Variants in TNS1 observed in about 807,000 individuals in gnomAD.
The protein encoded by TNS1 is tensin 1, also known as tensin-1.
Under a neutral mutation model 168.6 loss-of-function variants are expected in TNS1, and 62 were observed. The observed-to-expected ratio is 0.37, with a 90% CI of 0.30 to 0.45. The LOEUF (loss-of-function observed/expected upper bound fraction) is 0.45, where lower values mean the gene tolerates loss of function less well. Among genes scored for constraint, TNS1 ranks in the 20% least tolerant of loss-of-function variants. The pLI is 1.00. For synonymous variants in TNS1, 934 were observed against 933.2 expected, an observed-to-expected ratio of 1.00 and a Z score of -0.02; for missense variants, 2,240 against 2,339.4, an observed-to-expected ratio of 0.96 and a Z score of 0.88.
chr2:217,835,145 C>T lies in TNS1; in HGVS notation c.3226G>A (p.Glu1076Lys). 6.3e-7 allele frequency: 1 copy of T among 1,597,592 alleles called. No homozygotes were observed. Among genetic ancestry groups the T allele is most frequent in the Non-Finnish European group, 8.5e-7 (1 of 1,173,904 alleles). The change falls in exon 21 of 33, where the codon GAG becomes AAG. Residue 1076 changes from glutamate (E) to lysine (K), a missense_variant. This residue lies in a region of TNS1 where 2,131 missense variants were observed against 2,171.2 expected (regional missense o/e 0.98). Coordinates refer to ENST00000682258, the MANE Select transcript of TNS1 (RefSeq NM_001387777.1). ...PKEPHLHSYKEAFEEMEGTSP... is the reference protein window; with the variant it reads ...PKEPHLHSYKKAFEEMEGTSP... Reference sequence around the variant, plus strand: ...GTTCCCTCCATCTCCTCGAAGGCCTCCTTGTAGCTGTGCAAATGGGGCTGT... The same window carrying T: ...GTTCCCTCCATCTCCTCGAAGGCCTTCTTGTAGCTGTGCAAATGGGGCTGT...
intron 6 of TNS1, among the ~76,000 whole-genome samples, chr2:217,902,749 A>C (rs1252665016): frequency 6.6e-6 from 1 of 152,114 alleles, no homozygotes; most frequent in Non-Finnish European, 1.5e-5. Context: ...AGGCATGGGG[A>C]GGAAGCCACC....
chr2:217,809,218 T>TA (rs1939926074), intron 30 of TNS1, among the ~76,000 whole-genome samples: 1 of 76,430 alleles, frequency 1.3e-5, no homozygotes, highest in African/African-American at 6.8e-5. Flanking sequence ...GATGGATGCA[T>TA]GGATGGATGG....
chr2:217,954,834 G>T (rs1475818514), intron 3 of TNS1, among the ~76,000 whole-genome samples: 1 of 152,172 alleles, frequency 6.6e-6, no homozygotes, highest in African/African-American at 2.4e-5. Flanking sequence ...TGCACACATG[G>T]TGCCCACACA....
At chr2:218,012,812 A>G (rs771467819), upstream of TNS1, among the ~76,000 whole-genome samples, 54 of 152,312 alleles carry the variant, frequency 3.5e-4, no homozygotes, top group Non-Finnish European at 6.5e-4. Context: ...ACCTCCTGAA[A>G]GATTCTAGCC....
chr2:217,927,633 A>G (rs1413632403), intron 3 of TNS1, among the ~76,000 whole-genome samples: 1 of 152,172 alleles, frequency 6.6e-6, no homozygotes, highest in Non-Finnish European at 1.5e-5. Flanking sequence ...CCCAGAGACA[A>G]GAGGCCATCA....
intron 4 of TNS1, among the ~76,000 whole-genome samples, chr2:217,910,056 C>G (rs1368813874): frequency 6.6e-6 from 1 of 152,284 alleles, no homozygotes; most frequent in Admixed American, 6.5e-5. Context: ...AGGCCCTCTC[C>G]AGCCCACCCT....
At position 217,813,857 on chromosome 2, in the gene TNS1, C is replaced by T. The variant is rs2125123344; in HGVS notation, c.4730-41G>A. The stretch of plus-strand genomic sequence containing the variant: ...ACAAGGAGAGAGGAGGAAGCAAGAC[C>T]TCGGTGGCGCTAGTTTTACTTAAGT... On this transcript the variant is annotated intron_variant, in intron 25 of 32. Transcript: ENST00000682258. This position sits in a 1 kb window ranked among gnomAD's most constrained non-coding sequence, Gnocchi z 4.0. 1 of 1,539,806 alleles carries T rather than the reference C, an allele frequency of 6.5e-7. No homozygotes were observed. The highest frequency in any genetic ancestry group is 1.4e-5 in the African/African-American group (1 of 72,030).
chr2:217,882,267 A>G, intron 17 of TNS1, 79 bp downstream of exon 17: 1 of 1,008,412 alleles, frequency 9.9e-7, no homozygotes, highest in Non-Finnish European at 1.5e-6. Flanking sequence ...TGTGGAACAG[A>G]CCAGGGGTGG....
chr2:217,910,138 A>G (rs1249673824), intron 4 of TNS1, among the ~76,000 whole-genome samples: 1 of 152,060 alleles, frequency 6.6e-6, no homozygotes, highest in Admixed American at 6.5e-5. Context: ...TGAAGTCAAT[A>G]TTAGAAACCA....
chr2:217,983,148 GA>G (rs1326607914), intron 2 of TNS1, among the ~76,000 whole-genome samples: 1 of 152,116 alleles, frequency 6.6e-6, no homozygotes, highest in Non-Finnish European at 1.5e-5. Context: ...GAGTGACAGG[GA>G]TGCTCACTCC....
chr2:217,841,406 G>A (rs746789998), intron 19 of TNS1: 10 of 273,236 alleles, frequency 3.7e-5, no homozygotes, highest in African/African-American at 2.3e-4. Context: ...GGGAAACACA[G>A]AGAGTGCAGG....
intron 3 of TNS1, among the ~76,000 whole-genome samples, chr2:217,934,329 G>C (rs1284244262): frequency 1.3e-5 from 2 of 152,166 alleles, no homozygotes; most frequent in Non-Finnish European, 2.9e-5. Context: ...CTGCTGGCCG[G>C]GACCCCCAGC....
intron 3 of TNS1, among the ~76,000 whole-genome samples, chr2:217,970,357 C>T (rs895094533): frequency 3.0e-4 from 45 of 152,196 alleles, no homozygotes; most frequent in African/African-American, 8.2e-4. Flanking sequence ...AAACATTAAA[C>T]ATAGAGTTAC....
chr2:217,996,945 C>A (rs1958481034), intron 1 of TNS1, among the ~76,000 whole-genome samples: 1 of 152,054 alleles, frequency 6.6e-6, no homozygotes, highest in South Asian at 2.1e-4. Context: ...TCCCAATCCC[C>A]AAGATCCACT....
rs571892545 is a variant in TNS1 at position 217,820,612 on chromosome 2, C to T, written c.3572+1128G>A. On this transcript the variant is annotated intron_variant, in intron 23 of 32. Coordinates refer to ENST00000682258, the MANE Select transcript of TNS1 (RefSeq NM_001387777.1). ...AGGCTAGGGAGGGCAGTGGGCACGG[C>T]GAAGAAGGGATGGTCAGGGCAGAGT... Among the ~76,000 whole-genome samples, 8 of 152,216 alleles carry T rather than the reference C, an allele frequency of 5.3e-5. No individual in the cohort carries two copies. In the South Asian group the frequency reaches 8.3e-4, roughly 16 times the overall value.
chr2:217,950,754 C>T (rs1177792250), intron 3 of TNS1, among the ~76,000 whole-genome samples: 1 of 151,284 alleles, frequency 6.6e-6, no homozygotes, highest in Admixed American at 6.6e-5. Flanking sequence ...TCTTCTGTTC[C>T]CCTCCCTCCT....
At chr2:217,999,057 C>T (rs1333834384) in intron 1 of TNS1, among the ~76,000 whole-genome samples, 1 of 152,184 alleles carries the variant, frequency 6.6e-6, no homozygotes, top group African/African-American at 2.4e-5. Flanking sequence ...TCTTCCATCA[C>T]ACGACCTCCC....
rs1951221474 is a variant in TNS1 at position 217,886,568 on chromosome 2, G to A, written c.945C>T (p.Ile315=). The change falls in exon 13 of 33, where the codon ATC becomes ATT. Residue 315 remains isoleucine (I), a synonymous_variant. Transcript: ENST00000682258. ...ACTCAAAGTTGGGGATGCCGTGCAT[G>A]ATCACGTGGTGCAGAAACAAGGGCT... The part of the protein sequence containing the change: ...NNKPLFLHHV[I]MHGIPNFESK... 7 of 1,605,404 alleles carry A rather than the reference G, an allele frequency of 4.4e-6. No individual in the cohort carries two copies. Among genetic ancestry groups the A allele is most frequent in the South Asian group, 1.1e-5 (1 of 88,466 alleles).
At chr2:217,932,960 G>T (rs1192612758) in intron 3 of TNS1, among the ~76,000 whole-genome samples, 2 of 152,188 alleles carry the variant, frequency 1.3e-5, no homozygotes, top group African/African-American at 2.4e-5. Context: ...GGCTGCACCA[G>T]GAGCCCCCGC....
Sources: allele counts gnomAD v4.1 joint callset (sites outside exome capture counted in the v4.1 genomes callset), GRCh38; gene constraint gnomAD v4.1.1; regional missense constraint gnomAD v4.1.1; non-coding constraint Gnocchi (gnomAD v3.1); transcripts MANE v1.5; gene names NCBI Gene and HGNC (gene_info 2026-07-23, HGNC 2026-07-21).